Variants in PTPN11 observed in about 807,000 individuals in gnomAD.
PTPN11 encodes tyrosine-protein phosphatase non-receptor type 11.
Under a neutral mutation model 78.8 loss-of-function variants are expected in PTPN11, and 6 were observed. The observed-to-expected ratio is 0.08, with a 90% CI of 0.04 to 0.15. PTPN11 has a LOEUF of 0.15. Ranked by LOEUF, PTPN11 falls within the 10% of genes least tolerant of loss-of-function variation. The pLI is 1.00. For synonymous variants in PTPN11, 221 were observed against 263.5 expected, an observed-to-expected ratio of 0.84 and a Z score of 1.56; for missense variants, 386 against 744.8, an observed-to-expected ratio of 0.52 and a Z score of 5.61.
Position 112,476,783 on chromosome 12 carries a change from A to AAAC in PTPN11, c.854-847_854-845dup, listed in dbSNP as rs551927271. Reference sequence around the variant, plus strand: ...AACCCTGTCTCAAAAAATAAATTTAAAACAACAACAACAACAACAACAAAA... The same window carrying AAAC: ...AACCCTGTCTCAAAAAATAAATTTAAAACAACAACAACAACAACAACAACAAAA... On this transcript the variant is annotated intron_variant, in intron 7 of 15. Coordinates refer to ENST00000351677, the MANE Select transcript of PTPN11 (RefSeq NM_002834.5). 7.0e-4 allele frequency among the ~76,000 whole-genome samples: 106 copies of AAAC among 152,126 alleles called. 1 individual carries two copies. In the South Asian group the frequency reaches 0.012, roughly 17 times the overall value.
chr12:112,483,187 C>CT (rs576813489), intron 10 of PTPN11, among the ~76,000 whole-genome samples: 3,088 of 130,766 alleles, frequency 0.024, 72 homozygotes, highest in African/African-American at 0.056. Context: ...GGGGAAGGGA[C>CT]TTTTTTTTTT....
rs1157537672 is a variant in PTPN11 at position 112,447,835 on chromosome 12, C to T, written c.137+1437C>T. 1.5e-3 allele frequency among the ~76,000 whole-genome samples: 202 copies of T among 133,822 alleles called. 2 individuals carry two copies. Among genetic ancestry groups the T allele is most frequent in the African/African-American group, 5.0e-3 (177 of 35,668 alleles). 87.8% of individuals were successfully genotyped at this position (133,822 alleles called of 152,430 possible). ...TTTTTTTTTGAGACAAAGTCTTGCT[C>T]TTTTTCCCAGGCTGGAGTGCAGTGG... On this transcript the variant is annotated intron_variant, in intron 2 of 15. Coordinates refer to ENST00000351677, the MANE Select transcript of PTPN11 (RefSeq NM_002834.5).
intron 2 of PTPN11, among the ~76,000 whole-genome samples, chr12:112,448,218 CTTTTTTTTTTTTGA>C (rs1470860762): frequency 7.1e-6 from 1 of 141,708 alleles, no homozygotes; most frequent in Non-Finnish European, 1.6e-5. Flanking sequence ...TTCTTTTTTT[CTTTTTTTTTTTTGA>C]GACAATCTTG....
chr12:112,422,304 C>T (rs992455603), intron 1 of PTPN11, among the ~76,000 whole-genome samples: 2 of 152,190 alleles, frequency 1.3e-5, no homozygotes, highest in African/African-American at 4.8e-5. Flanking sequence ...TATCTCTCAG[C>T]ATCATAGGTA....
rs766824338 is a variant in PTPN11 at position 112,482,532 on chromosome 12, C to T, written c.1224+327C>T. Among the ~76,000 whole-genome samples, 15 of 152,104 alleles carry T rather than the reference C, an allele frequency of 9.9e-5. No homozygotes were observed. Among genetic ancestry groups the T allele is most frequent in the Admixed American group, 3.3e-4 (5 of 15,264 alleles). Reference sequence around the variant, plus strand: ...GGTGGATCGCTTGAGCCGGGGAGTTCGAGACCAGCCCTGGGTGGGAGACTG... The same window carrying T: ...GGTGGATCGCTTGAGCCGGGGAGTTTGAGACCAGCCCTGGGTGGGAGACTG... On this transcript the variant is annotated intron_variant, in intron 10 of 15. Coordinates refer to ENST00000351677, the MANE Select transcript of PTPN11 (RefSeq NM_002834.5). This position sits in a 1 kb window ranked among gnomAD's most constrained non-coding sequence, Gnocchi z 4.4.
chr12:112,480,366 C>A (rs192841029), intron 9 of PTPN11, among the ~76,000 whole-genome samples: 1 of 130,300 alleles, frequency 7.7e-6, no homozygotes, highest in Admixed American at 7.8e-5. Flanking sequence ...CCACATCGTT[C>A]TTTTTTTTTT....
At chr12:112,500,017 G>A (rs1423088438) in intron 13 of PTPN11, among the ~76,000 whole-genome samples, 1 of 151,598 alleles carries the variant, frequency 6.6e-6, no homozygotes, top group African/African-American at 2.4e-5. Flanking sequence ...GCCGAGGCGG[G>A]TGGATCACTT....
chr12:112,480,014 T>C (rs1375135950), intron 9 of PTPN11, among the ~76,000 whole-genome samples: 2 of 152,226 alleles, frequency 1.3e-5, no homozygotes, highest in Non-Finnish European at 2.9e-5. Context: ...CTGTGTTTGA[T>C]TCCTGGGCTC....
intron 1 of PTPN11, among the ~76,000 whole-genome samples, chr12:112,444,276 G>A (rs895254063): frequency 2.0e-5 from 3 of 151,930 alleles, no homozygotes; most frequent in African/African-American, 7.3e-5. Context: ...ATTTGAATCC[G>A]TGTTTTCAAT....
chr12:112,492,707 C>G (rs564720502), intron 13 of PTPN11, among the ~76,000 whole-genome samples: 1 of 151,890 alleles, frequency 6.6e-6, no homozygotes, highest in Admixed American at 6.6e-5. Flanking sequence ...TTAGTAGAGA[C>G]GGGGTCTCAC....
In PTPN11 at chr12:112,488,495, A is replaced by G. The variant is rs1320374464; in HGVS notation, c.1432A>G (p.Ile478Val). 1.9e-6 allele frequency: 3 copies of G among 1,611,276 alleles called. No individual in the cohort carries two copies. The highest frequency in any genetic ancestry group is 1.7e-5 in the Admixed American group (1 of 60,002). Residue 478 changes from isoleucine (I) to valine (V), a missense_variant, in exon 12 of 16, where the codon ATC becomes GTC. Transcript: ENST00000351677. The stretch of plus-strand genomic sequence containing the variant: ...CATTGTGATTGATATTCTTATTGAC[A>G]TCATCAGAGAGAAAGGTGGGTCATC... ...TFIVIDILID[I>V]IREKGVDCDI...
intron 6 of PTPN11, among the ~76,000 whole-genome samples, chr12:112,470,435 CTG>C (rs1239812926): frequency 6.6e-6 from 1 of 152,208 alleles, no homozygotes; most frequent in Non-Finnish European, 1.5e-5. Context: ...CTCAAGGAAA[CTG>C]AGGCACAGAC....
rs2038102175 is a variant in PTPN11 at position 112,453,195 on chromosome 12, G to A, written c.333G>A (p.Arg111=). The change falls in exon 4 of 16, where the codon AGG becomes AGA. Residue 111 remains arginine, a splice_region_variant and synonymous_variant. Coordinates refer to ENST00000351677, the MANE Select transcript of PTPN11 (RefSeq NM_002834.5). ...CTTTTTTATTTTTTAAAAACTTTAG[G>A]TGGTTTCATGGACATCTCTCTGGGA... The part of the protein sequence containing the change: ...PLNCADPTSE[R]WFHGHLSGKE... 1 of 1,611,082 alleles carries A rather than the reference G, an allele frequency of 6.2e-7. No homozygotes were observed.
chr12:112,490,263 T>G (rs2038730176), intron 13 of PTPN11, among the ~76,000 whole-genome samples: 1 of 151,930 alleles, frequency 6.6e-6, no homozygotes, highest in South Asian at 2.1e-4. Context: ...ACAAAGAGAA[T>G]GTAACATAGT....
chr12:112,434,936 A>T (rs2037766991), intron 1 of PTPN11, among the ~76,000 whole-genome samples: 1 of 151,804 alleles, frequency 6.6e-6, no homozygotes, highest in African/African-American at 2.4e-5. Flanking sequence ...ACAGGCACGC[A>T]CCACCATGCC....
intron 6 of PTPN11, among the ~76,000 whole-genome samples, chr12:112,461,609 A>G (rs963234590): frequency 6.6e-6 from 1 of 152,032 alleles, no homozygotes; most frequent in Non-Finnish European, 1.5e-5. Context: ...CTACAGGCAC[A>G]TACCACCATG....
chr12:112,474,855 TC>T (rs1304066319), intron 7 of PTPN11, among the ~76,000 whole-genome samples: 2 of 152,154 alleles, frequency 1.3e-5, no homozygotes, highest in African/African-American at 2.4e-5. Flanking sequence ...GGTCTCGAAT[TC>T]CTGGGCTCAA....
Position 112,463,792 on chromosome 12 carries a change from C to T in PTPN11, c.756+7729C>T, listed in dbSNP as rs575651998. 3.7e-4 allele frequency among the ~76,000 whole-genome samples: 56 copies of T among 152,258 alleles called. No individual in the cohort carries two copies. In the South Asian group the frequency reaches 5.4e-3, roughly 15 times the overall value. On this transcript the variant is annotated intron_variant, in intron 6 of 15. Transcript: ENST00000351677. Reference sequence around the variant, plus strand: ...GTTGTGCACTAAATTAGGGCATTAACGTTTCATGGAAACTGAAGCTATATC... The same window carrying T: ...GTTGTGCACTAAATTAGGGCATTAATGTTTCATGGAAACTGAAGCTATATC...
rs140532343 is a variant in PTPN11, at chr12:112,435,422, T to C, written c.15-10854T>C. On this transcript the variant is annotated intron_variant, in intron 1 of 15. Transcript: ENST00000351677. ...GTGTGAGAAATTCTTTTAGAATCTA[T>C]TTTAAAAAAAGAAGAGATGACAGTG... 2.7e-3 allele frequency among the ~76,000 whole-genome samples: 413 copies of C among 152,262 alleles called. 4 individuals carry two copies. Among genetic ancestry groups the C allele is most frequent in the Middle Eastern group, 0.017 (5 of 294 alleles).
Sources: gnomAD v4.1 joint callset for allele counts (sites outside exome capture counted in the v4.1 genomes callset) on GRCh38, gnomAD v4.1.1 for gene constraint, Gnocchi (gnomAD v3.1) non-coding constraint, MANE v1.5 for transcripts, NCBI Gene and HGNC (gene_info 2026-07-23, HGNC 2026-07-21) for gene names.